PTPRM: variants seen among roughly 807,000 people sequenced by gnomAD.
The protein encoded by PTPRM is receptor-type tyrosine-protein phosphatase mu.
PTPRM carries 47 observed loss-of-function variants against 186.7 expected under a neutral mutation model. The ratio of observed to expected loss-of-function variants is 0.25; its 90% confidence interval spans 0.20 to 0.32. The LOEUF (loss-of-function observed/expected upper bound fraction) is 0.32. Ranked by LOEUF, PTPRM falls within the 10% of genes least tolerant of loss-of-function variation. PTPRM has a pLI of 1.00. For synonymous variants in PTPRM, 668 were observed against 674.9 expected, an observed-to-expected ratio of 0.99 and a Z score of 0.16; for missense variants, 1,494 against 1,865.0, an observed-to-expected ratio of 0.80 and a Z score of 3.66.
intron 7 of PTPRM, among the ~76,000 whole-genome samples, chr18:7,965,564 A>G (rs2053984027): frequency 6.6e-6 from 1 of 152,170 alleles, no homozygotes; most frequent in African/African-American, 2.4e-5. Context: ...ATTGTTCACC[A>G]TAGGGCTGCT....
chr18:8,161,445 G>A (rs2093227446), intron 14 of PTPRM, among the ~76,000 whole-genome samples: 1 of 152,084 alleles, frequency 6.6e-6, no homozygotes, highest in African/African-American at 2.4e-5. Context: ...AGAGTGTGGT[G>A]AGAAGGCACC....
chr18:8,315,715 T>C (rs950132661), intron 21 of PTPRM, among the ~76,000 whole-genome samples: 1 of 152,226 alleles, frequency 6.6e-6, no homozygotes, highest in East Asian at 1.9e-4. Flanking sequence ...TGCTTCTTGA[T>C]TGAATATTAC....
chr18:7,833,743 A>AAAC (rs150303636), intron 2 of PTPRM, among the ~76,000 whole-genome samples: 26,450 of 149,478 alleles, frequency 0.18, 2,932 homozygotes, highest in Non-Finnish European at 0.26. Context: ...TCAGAAAGAA[A>AAAC]AACAACAACA....
At chr18:8,404,692 G>A (rs181721248) in intron 32 of PTPRM, 7 of 152,364 alleles carry the variant, frequency 4.6e-5, no homozygotes, top group Admixed American at 4.6e-4. Context: ...GCTGTGATGG[G>A]TAGAGACAGT....
chr18:8,225,736 T>C (rs2094205968), intron 14 of PTPRM, among the ~76,000 whole-genome samples: 1 of 152,186 alleles, frequency 6.6e-6, no homozygotes, highest in Admixed American at 6.5e-5. Context: ...GAGAATATCT[T>C]TATGACCTCA....
chr18:7,649,767 G>A (rs2038651894), intron 1 of PTPRM, among the ~76,000 whole-genome samples: 1 of 151,840 alleles, frequency 6.6e-6, no homozygotes, highest in South Asian at 2.1e-4. Context: ...GAAAAAAAAT[G>A]AAATTGCCAC....
At chr18:7,927,862 T>TC (rs1345155508) in intron 5 of PTPRM, among the ~76,000 whole-genome samples, 1 of 152,148 alleles carries the variant, frequency 6.6e-6, no homozygotes, top group African/African-American at 2.4e-5. Flanking sequence ...TGCCTCAGCC[T>TC]CCCAAGTAGC....
chr18:7,764,029 G>A (rs1179048739), intron 1 of PTPRM, among the ~76,000 whole-genome samples: 1 of 149,682 alleles, frequency 6.7e-6, no homozygotes, highest in African/African-American at 2.5e-5. Flanking sequence ...ATCTCTTCTT[G>A]TTTTGAGTAA....
intron 6 of PTPRM, among the ~76,000 whole-genome samples, chr18:7,954,370 G>A (rs8084245): frequency 0.029 from 4,391 of 152,202 alleles, 213 homozygotes; most frequent in African/African-American, 0.1. Flanking sequence ...TCCCTGAATG[G>A]CAGCAGTGGT....
chr18:7,831,379 C>G (rs914189481), intron 2 of PTPRM, among the ~76,000 whole-genome samples: 1 of 151,678 alleles, frequency 6.6e-6, no homozygotes, highest in Non-Finnish European at 1.5e-5. Context: ...TTTTTTAATG[C>G]AGACATAGAA....
At position 7,966,933 on chromosome 18, in the gene PTPRM, T is replaced by G. The variant is rs1172719196; in HGVS notation, c.1132+11519T>G. ...GAGGTAAACAAAGCAGCCTGGAAGC[T>G]CGAACTGGGTGGAGCCCACCACAGC... is the stretch of plus-strand genomic sequence containing the variant. On this transcript the variant is annotated intron_variant, in intron 7 of 32. Transcript: ENST00000580170. 7.2e-5 allele frequency among the ~76,000 whole-genome samples: 9 copies of G among 124,530 alleles called. 4 individuals are homozygous for G. The highest frequency in any genetic ancestry group is 1.7e-4 in the Non-Finnish European group (9 of 52,068). 81.7% of individuals were successfully genotyped at this position (124,530 alleles called of 152,430 possible).
chr18:7,896,250 C>T (rs2049349168), intron 3 of PTPRM, among the ~76,000 whole-genome samples: 1 of 152,110 alleles, frequency 6.6e-6, no homozygotes, highest in African/African-American at 2.4e-5. Flanking sequence ...CATGTACTCG[C>T]CCTTTTGCTT....
intron 1 of PTPRM, among the ~76,000 whole-genome samples, chr18:7,601,127 G>T (rs2037392392): frequency 6.6e-6 from 1 of 152,178 alleles, no homozygotes; most frequent in Non-Finnish European, 1.5e-5. Context: ...CACCCTACAG[G>T]GGAACAAATG....
intron 1 of PTPRM, among the ~76,000 whole-genome samples, chr18:7,661,861 G>A (rs894044061): frequency 5.9e-5 from 9 of 152,130 alleles, no homozygotes; most frequent in African/African-American, 2.2e-4. Flanking sequence ...AATAATAATT[G>A]TTATTGCCAT....
At chr18:8,026,712 G>T (rs2085593495) in intron 7 of PTPRM, among the ~76,000 whole-genome samples, 1 of 152,084 alleles carries the variant, frequency 6.6e-6, no homozygotes, top group South Asian at 2.1e-4. Context: ...CAAAAAATTA[G>T]CCAGGTGTGG....
chr18:7,926,777 A>G (rs1225004913), intron 5 of PTPRM, 94 bp downstream of exon 5: 3 of 750,026 alleles, frequency 4.0e-6, no homozygotes, highest in Non-Finnish European at 6.1e-6. Flanking sequence ...CTCAGGTCCT[A>G]GTGTAAGAGT....
chr18:7,895,203 TA>T (rs1207085829), intron 3 of PTPRM, among the ~76,000 whole-genome samples: 1 of 151,824 alleles, frequency 6.6e-6, no homozygotes, highest in African/African-American at 2.4e-5. Context: ...GGGTAGTGAT[TA>T]GGGGTAATTA....
At chr18:8,401,056 A>G (rs1338367614) in intron 32 of PTPRM, among the ~76,000 whole-genome samples, 2 of 151,352 alleles carry the variant, frequency 1.3e-5, no homozygotes, top group Admixed American at 6.6e-5. Flanking sequence ...CCACCCCCAG[A>G]TTCCACTTGC....
chr18:7,641,223 G>A (rs2038435574), intron 1 of PTPRM, among the ~76,000 whole-genome samples: 2 of 152,082 alleles, frequency 1.3e-5, no homozygotes, highest in African/African-American at 4.8e-5. Flanking sequence ...TCATCTCAGC[G>A]AGTAGATTTA....
Sources: allele counts gnomAD v4.1 joint callset (sites outside exome capture counted in the v4.1 genomes callset), GRCh38; gene constraint gnomAD v4.1.1; transcripts MANE v1.5; gene names NCBI Gene and HGNC (gene_info 2026-07-23, HGNC 2026-07-21).